Variants in SAMD12 observed in about 807,000 individuals in gnomAD.
SAMD12 encodes sterile alpha motif domain containing 12, also known as sterile alpha motif domain-containing protein 12.
SAMD12 carries 9 observed loss-of-function variants against 15.0 expected under a neutral mutation model. That is an observed-to-expected ratio of 0.60 (90% CI 0.36 to 1.05). The LOEUF (loss-of-function observed/expected upper bound fraction) is 1.05. SAMD12 is among the 50% of genes least tolerant of loss of function. The pLI is 0.01. For missense variants in SAMD12, 230 were observed against 234.2 expected (o/e 0.98, Z 0.12); for synonymous variants, 86 against 90.1 (o/e 0.96, Z 0.25).
At chr8:118,232,843 G>C (rs756398827) in intron 4 of SAMD12, among the ~76,000 whole-genome samples, 2 of 152,088 alleles carry the variant, frequency 1.3e-5, no homozygotes, top group Non-Finnish European at 2.9e-5. Flanking sequence ...CTGTGGCGCC[G>C]GGAGATTTGT....
intron 4 of SAMD12, among the ~76,000 whole-genome samples, chr8:118,295,345 T>C (rs1453884946): frequency 6.6e-6 from 1 of 152,228 alleles, no homozygotes; most frequent in Non-Finnish European, 1.5e-5. Context: ...CAATCCAATA[T>C]GTATAGATAA....
At chr8:118,406,496 A>ACACCTGACCTCAGGTGATC (rs1386527030) in intron 3 of SAMD12, among the ~76,000 whole-genome samples, 3 of 152,014 alleles carry the variant, frequency 2.0e-5, no homozygotes, top group Non-Finnish European at 4.4e-5. Flanking sequence ...CTAGTCTCGA[A>ACACCTGACCTCAGGTGATC]CACCTGACCT....
intron 4 of SAMD12, among the ~76,000 whole-genome samples, chr8:118,342,096 C>T (rs1430514495): frequency 2.6e-5 from 4 of 152,116 alleles, no homozygotes; most frequent in African/African-American, 9.7e-5. Context: ...TCGAGACCAG[C>T]CCGGCCAACA....
At chr8:118,153,419 CTG>C in the SAMD12 span, among the ~76,000 whole-genome samples, 1 of 152,160 alleles carries the variant, frequency 6.6e-6, no homozygotes, top group East Asian at 1.9e-4. Context: ...AAAGTACACT[CTG>C]TTTTTTGTGA....
chr8:118,612,956 G>T (rs892032542), intron 1 of SAMD12, among the ~76,000 whole-genome samples: 5 of 152,162 alleles, frequency 3.3e-5, no homozygotes, highest in African/African-American at 1.2e-4. Context: ...GGACTCAAAT[G>T]GCAACACAGT....
At position 118,210,653 on chromosome 8, in the gene SAMD12, TCTC is replaced by T. The variant is rs770347882; in HGVS notation, c.434-12924_434-12922del. ...GCCATTCATGATGGCAACCTCAACT[TCTC>T]CTTCCATCCTTATCCACAATGCATT... On this transcript the variant is annotated intron_variant, in intron 4 of 4. Transcript: ENST00000409003. Among the ~76,000 whole-genome samples, 15 of 152,240 alleles carry T rather than the reference TCTC, an allele frequency of 9.9e-5. No individual in the cohort carries two copies. In the East Asian group the frequency reaches 2.9e-3, roughly 29 times the overall value.
Position 118,393,428 on chromosome 8 carries a change from G to A in SAMD12, c.323-13728C>T, listed in dbSNP as rs552188252. ...TTTTGATTTTTTATTTTTTCGTAGA[G>A]ATAGGGTCTCCTTATGCTGCCCGGA... is the stretch of plus-strand genomic sequence containing the variant. On this transcript the variant is annotated intron_variant, in intron 3 of 3. Coordinates refer to ENST00000314727, the MANE Select transcript of SAMD12 (RefSeq NM_207506.3). 1.8e-3 allele frequency among the ~76,000 whole-genome samples: 273 copies of A among 151,766 alleles called. 1 individual carries two copies. Among genetic ancestry groups the A allele is most frequent in the Admixed American group, 4.1e-3 (62 of 15,266 alleles).
chr8:118,409,869 A>C (rs1207360622), intron 3 of SAMD12, among the ~76,000 whole-genome samples: 1 of 142,796 alleles, frequency 7.0e-6, no homozygotes, highest in East Asian at 1.9e-4. Context: ...TGTAAAAGCA[A>C]CAATAATGTT....
At chr8:118,621,705 T>A (rs1828412685) in intron 1 of SAMD12, 99 bp downstream of exon 1, 1 of 1,410,974 alleles carries the variant, frequency 7.1e-7, no homozygotes, top group Non-Finnish European at 1.0e-6. Flanking sequence ...CGCCACCCCC[T>A]TTCCTCGCCT....
At chr8:118,620,670 A>C (rs1034830675) in intron 1 of SAMD12, among the ~76,000 whole-genome samples, 5 of 152,138 alleles carry the variant, frequency 3.3e-5, no homozygotes, top group Non-Finnish European at 7.3e-5. Flanking sequence ...AGCAAGAGTC[A>C]GATTAGTTCA....
Position 118,363,938 on chromosome 8 carries a change from G to T in SAMD12, c.433+15622C>A, listed in dbSNP as rs115571669. 5.0e-3 allele frequency among the ~76,000 whole-genome samples: 764 copies of T among 152,282 alleles called. 8 individuals are homozygous for T. The highest frequency in any genetic ancestry group is 0.018 in the South Asian group (87 of 4,830). On this transcript the variant is annotated intron_variant, in intron 4 of 4. Coordinates refer to the SAMD12 transcript ENST00000409003. ...GTACACAGGTCCACAATCAGTATTA[G>T]CTCCAGACTTCCACTGGTGATAAAG...
chr8:118,178,061 T>A, the SAMD12 span, among the ~76,000 whole-genome samples: 1 of 152,252 alleles, frequency 6.6e-6, no homozygotes, highest in African/African-American at 2.4e-5. Flanking sequence ...CAGTTTAGTT[T>A]TGGCTATCCA....
At chr8:118,313,132 C>T (rs527329203) in intron 4 of SAMD12, among the ~76,000 whole-genome samples, 1 of 152,156 alleles carries the variant, frequency 6.6e-6, no homozygotes, top group Non-Finnish European at 1.5e-5. Flanking sequence ...GAGATGCCCT[C>T]TCTGTCACAT....
At chr8:118,446,807 C>T (rs1194507074) in intron 2 of SAMD12, among the ~76,000 whole-genome samples, 1 of 152,148 alleles carries the variant, frequency 6.6e-6, no homozygotes, top group Admixed American at 6.5e-5. Flanking sequence ...TCCATTGAGT[C>T]TCATGGCTTG....
chr8:118,207,290 AT>A (rs1001503342), intron 4 of SAMD12, among the ~76,000 whole-genome samples: 17 of 152,188 alleles, frequency 1.1e-4, no homozygotes, highest in African/African-American at 3.9e-4. Context: ...AGGATGATGC[AT>A]TTCTGGGAGA....
chr8:118,243,395 G>C (rs1277856592), intron 4 of SAMD12, among the ~76,000 whole-genome samples: 1 of 152,032 alleles, frequency 6.6e-6, no homozygotes, highest in Non-Finnish European at 1.5e-5. Flanking sequence ...GAATCAAGTA[G>C]CACTGCTAAC....
At chr8:118,462,731 G>A (rs1014388991) in intron 2 of SAMD12, among the ~76,000 whole-genome samples, 31 of 152,174 alleles carry the variant, frequency 2.0e-4, no homozygotes, top group Non-Finnish European at 4.6e-4. Flanking sequence ...AGAGGCCAAG[G>A]ACCACATGGG....
intron 4 of SAMD12, among the ~76,000 whole-genome samples, chr8:118,237,993 T>C (rs1440109525): frequency 6.6e-6 from 1 of 152,132 alleles, no homozygotes; most frequent in African/African-American, 2.4e-5. Context: ...CCTACATTTG[T>C]GATTTGGTTA....
intron 4 of SAMD12, among the ~76,000 whole-genome samples, chr8:118,259,126 C>G (rs112844552): frequency 1.6e-3 from 248 of 152,182 alleles, no homozygotes; most frequent in African/African-American, 5.6e-3. Context: ...GACACAGGAC[C>G]TACAGAAGCA....
Sources: gnomAD v4.1 joint callset for allele counts (sites outside exome capture counted in the v4.1 genomes callset) on GRCh38, gnomAD v4.1.1 for gene constraint, MANE v1.5 for transcripts, NCBI Gene and HGNC (gene_info 2026-07-23, HGNC 2026-07-21) for gene names.